The following PTPRD variants were observed in gnomAD, a reference collection of about 807,000 sequenced individuals.
The protein encoded by PTPRD is protein tyrosine phosphatase receptor type D.
Under a neutral mutation model 214.5 loss-of-function variants are expected in PTPRD, and 34 were observed. The observed-to-expected ratio is 0.16, with a 90% confidence interval of 0.12 to 0.21. The LOEUF (loss-of-function observed/expected upper bound fraction) is 0.21, where lower values mean the gene tolerates loss of function less well. PTPRD is among the 10% of genes least tolerant of loss of function. The pLI is 1.00. For synonymous variants in PTPRD, 1,128 were observed against 845.7 expected, an observed-to-expected ratio of 1.33 and a Z score of -5.79; for missense variants, 2,545 against 2,398.7, an observed-to-expected ratio of 1.06 and a Z score of -1.27.
intron 9 of PTPRD, among the ~76,000 whole-genome samples, chr9:9,247,732 G>C (rs1264401136): frequency 2.0e-5 from 3 of 151,954 alleles, no homozygotes; most frequent in Non-Finnish European, 4.4e-5. Flanking sequence ...CCACACAATA[G>C]TAGTTCTCCA....
At chr9:9,932,239 C>G (rs62536891) in intron 5 of PTPRD, among the ~76,000 whole-genome samples, 1 of 150,328 alleles carries the variant, frequency 6.7e-6, no homozygotes, top group East Asian at 1.9e-4. Context: ...ATAACTTTGA[C>G]GAGCTGAGAG....
intron 3 of PTPRD, among the ~76,000 whole-genome samples, chr9:10,108,810 AAG>A (rs2098661952): frequency 6.6e-6 from 1 of 152,098 alleles, no homozygotes; most frequent in Non-Finnish European, 1.5e-5. Flanking sequence ...TGTCCTGTAT[AAG>A]AACAGATAAA....
intron 3 of PTPRD, among the ~76,000 whole-genome samples, chr9:10,329,019 T>C (rs1446418074): frequency 1.3e-5 from 2 of 151,740 alleles, no homozygotes; most frequent in Admixed American, 6.6e-5. Context: ...ATAAAACTGA[T>C]CTTTATTTTA....
chr9:9,922,756 TA>T (rs1432877600), intron 5 of PTPRD, among the ~76,000 whole-genome samples: 1 of 151,456 alleles, frequency 6.6e-6, no homozygotes, highest in Non-Finnish European at 1.5e-5. Flanking sequence ...AACATTCTAT[TA>T]AAAACAGGGG....
At chr9:10,134,945 T>C (rs1564034047) in intron 3 of PTPRD, among the ~76,000 whole-genome samples, 1 of 152,066 alleles carries the variant, frequency 6.6e-6, no homozygotes, top group African/African-American at 2.4e-5. Context: ...TCAATAAGAT[T>C]CAGGAGAAAG....
At chr9:8,979,253 T>C (rs2099291227) in intron 11 of PTPRD, among the ~76,000 whole-genome samples, 1 of 152,160 alleles carries the variant, frequency 6.6e-6, no homozygotes, top group South Asian at 2.1e-4. Context: ...TTCTCTGAAG[T>C]ATTCCTAAAA....
intron 7 of PTPRD, among the ~76,000 whole-genome samples, chr9:9,677,400 A>C (rs1312582832): frequency 6.6e-6 from 1 of 152,122 alleles, no homozygotes; most frequent in Non-Finnish European, 1.5e-5. Context: ...CCTGGGATGC[A>C]AGGCTGGTTC....
intron 14 of PTPRD, among the ~76,000 whole-genome samples, chr9:8,580,535 A>T (rs1277425837): frequency 6.6e-6 from 1 of 152,220 alleles, no homozygotes; most frequent in Non-Finnish European, 1.5e-5. Context: ...GAATGTAAAG[A>T]TACCAAAGTA....
At chr9:9,677,050 G>A (rs992868991) in intron 7 of PTPRD, among the ~76,000 whole-genome samples, 22 of 152,020 alleles carry the variant, frequency 1.4e-4, no homozygotes, top group African/African-American at 5.3e-4. Flanking sequence ...AGAGTAGGTT[G>A]CAAAAATTTT....
chr9:10,134,304 T>C (rs973057651), intron 3 of PTPRD, among the ~76,000 whole-genome samples: 7 of 152,160 alleles, frequency 4.6e-5, no homozygotes, highest in South Asian at 4.1e-4. Context: ...AGGTCCCTCA[T>C]TGGGGTTAAG....
chr9:10,280,231 A>G (rs1464281358), intron 3 of PTPRD, among the ~76,000 whole-genome samples: 1 of 152,162 alleles, frequency 6.6e-6, no homozygotes, highest in Non-Finnish European at 1.5e-5. Flanking sequence ...TTTTAACAAT[A>G]AAGAGTAATG....
chr9:8,929,795 G>GTATATATATGTGTGTATATATA (rs1567062103), intron 11 of PTPRD, among the ~76,000 whole-genome samples: 12 of 112,672 alleles, frequency 1.1e-4, no homozygotes, highest in Admixed American at 2.0e-4. Context: ...GTATATATGT[G>GTATATATATGTGTGTATATATA]TGTGTATATA....
intron 3 of PTPRD, among the ~76,000 whole-genome samples, chr9:10,108,391 G>A (rs1467020815): frequency 6.6e-6 from 1 of 151,936 alleles, no homozygotes; most frequent in Non-Finnish European, 1.5e-5. Context: ...TAGTCACTGT[G>A]ATGTATGATA....
In PTPRD at chr9:9,639,201, ATTAT is replaced by A. The variant is rs561403123; in HGVS notation, c.-286-64424_-286-64421del. Among the ~76,000 whole-genome samples, 800 of 152,316 alleles carry A rather than the reference ATTAT, an allele frequency of 5.3e-3. 8 individuals carry two copies. Among genetic ancestry groups the A allele is most frequent in the Non-Finnish European group, 9.6e-3 (655 of 68,032 alleles). On this transcript the variant is annotated intron_variant, in intron 7 of 45. Coordinates refer to ENST00000381196, the MANE Select transcript of PTPRD (RefSeq NM_002839.4). Reference sequence around the variant, plus strand: ...CAGCAGCCTAACTTATTGTGTTAATATTATTTATCTCAGTCTTAGATCCTAAGCT... The same window carrying A: ...CAGCAGCCTAACTTATTGTGTTAATATTATCTCAGTCTTAGATCCTAAGCT...
chr9:9,382,324 G>A (rs994891016), intron 9 of PTPRD, among the ~76,000 whole-genome samples: 6 of 152,012 alleles, frequency 3.9e-5, no homozygotes, highest in African/African-American at 1.4e-4. Context: ...TTTTGGATAT[G>A]ATAACAAAAG....
At chr9:9,294,487 G>A (rs543032138) in intron 9 of PTPRD, among the ~76,000 whole-genome samples, 14 of 151,726 alleles carry the variant, frequency 9.2e-5, no homozygotes, top group East Asian at 3.9e-4. Context: ...GTATTTGGAC[G>A]TAAGGCTGCT....
At chr9:8,681,286 T>C (rs988751332) in intron 12 of PTPRD, among the ~76,000 whole-genome samples, 1 of 152,138 alleles carries the variant, frequency 6.6e-6, no homozygotes, top group Non-Finnish European at 1.5e-5. Flanking sequence ...TTTATTTACA[T>C]GTTTGTTTCT....
intron 2 of PTPRD, among the ~76,000 whole-genome samples, chr9:10,421,518 T>C (rs2098545646): frequency 1.3e-5 from 2 of 151,922 alleles, no homozygotes; most frequent in South Asian, 2.1e-4. Context: ...CCATTTTTAC[T>C]GAGCCAGTTT....
At chr9:8,630,195 G>C (rs2059520198) in intron 14 of PTPRD, among the ~76,000 whole-genome samples, 1 of 151,776 alleles carries the variant, frequency 6.6e-6, no homozygotes, top group Non-Finnish European at 1.5e-5. Context: ...GACGAAATGG[G>C]AATCTAATGA....
Sources: gnomAD v4.1 joint callset for allele counts (sites outside exome capture counted in the v4.1 genomes callset) on GRCh38, gnomAD v4.1.1 for gene constraint, MANE v1.5 for transcripts, NCBI Gene and HGNC (gene_info 2026-07-23, HGNC 2026-07-21) for gene names.